The following FRMD1 variants were observed in gnomAD, a reference collection of about 807,000 sequenced individuals.
FRMD1 encodes FERM domain-containing protein 1.
A neutral mutation model predicts 54.9 loss-of-function variants in FRMD1; 51 were observed. That is an observed-to-expected ratio of 0.93 (90% CI 0.74 to 1.17). FRMD1 has a LOEUF of 1.17. FRMD1 is among the 50% of genes most tolerant of loss of function. The pLI is 0.00. For synonymous variants in FRMD1, 324 were observed against 306.4 expected (o/e 1.06, Z -0.60); for missense variants, 729 against 743.0 (o/e 0.98, Z 0.22).
At chr6:168,057,400 G>A (rs1207224186) in intron 10 of FRMD1, 61 bp from the exon 11 acceptor site, 8 of 1,577,040 alleles carry the variant, frequency 5.1e-6, no homozygotes, top group South Asian at 2.3e-5. Context: ...CACCGCACAC[G>A]GCAGCCACAC....
Position 168,079,066 on chromosome 6 carries a change from A to C in FRMD1, c.29T>G (p.Ile10Arg). 1 of 1,608,120 alleles carries C rather than the reference A, an allele frequency of 6.2e-7. No homozygotes were observed. The highest frequency in any genetic ancestry group is 1.1e-5 in the South Asian group (1 of 90,964). Residue 10 changes from isoleucine (I) to arginine (R), a missense_variant, in exon 1 of 11, where the codon ATA becomes AGA. Physicochemically the swap from Ile to Arg is moderately conservative, Grantham distance 97. Coordinates refer to ENST00000283309, the MANE Select transcript of FRMD1 (RefSeq NM_024919.6). ...GTCAGGGTTTGTCCGGGCGGGGTCT[A>C]TGCCCCTCCCTCTCGGGGGCACCGC... MAVPPRGRG[I>R]DPARTNPDTF...
intron 4 of FRMD1, chr6:168,066,430 G>A: frequency 1.7e-6 from 1 of 596,570 alleles, no homozygotes. Flanking sequence ...CCCAGGAGGT[G>A]GAGGTTGCAG....
At chr6:168,064,701 C>T (rs1407048738) in intron 5 of FRMD1, among the ~76,000 whole-genome samples, 170 bp downstream of exon 5, 1 of 152,240 alleles carries the variant, frequency 6.6e-6, no homozygotes, top group Non-Finnish European at 1.5e-5. Context: ...GTGGTAAGGA[C>T]CCTTGGGCCT....
At chr6:168,058,839 C>T (rs1583164668) in intron 10 of FRMD1, among the ~76,000 whole-genome samples, 2 of 152,102 alleles carry the variant, frequency 1.3e-5, no homozygotes, top group South Asian at 4.1e-4. Context: ...CCTACAGTGG[C>T]CCGGTGACAC....
At chr6:168,066,662 C>T (rs1800040730) in intron 4 of FRMD1, 93 bp downstream of exon 4, 1 of 1,469,672 alleles carries the variant, frequency 6.8e-7, no homozygotes, top group East Asian at 2.4e-5. Flanking sequence ...TGGATAAACT[C>T]AAATGTAATG....
At chr6:168,081,401 C>A (rs567754900), upstream of FRMD1, 4 of 1,535,324 alleles carry the variant, frequency 2.6e-6, no homozygotes, top group Admixed American at 2.0e-5. Flanking sequence ...TGGCCTGCCA[C>A]GTTCGTGATG....
At position 168,054,523 on chromosome 6, in the gene FRMD1, G is replaced by C. The variant is rs1799344571; in HGVS notation, c.*2574C>G. 1 of 121,882 alleles carries C rather than the reference G, an allele frequency of 8.2e-6. No homozygotes were observed. Among genetic ancestry groups the C allele is most frequent in the African/African-American group, 3.2e-5 (1 of 30,926 alleles). The allele number at this position is 121,882 out of a possible 1,614,324, so 7.6% of individuals were successfully genotyped here. ...GCCTCATGCCACCTGAAGGCCACAA[G>C]CCCCCCTGTACACAGCGGCTTCTGC... On this transcript the variant is annotated 3_prime_UTR_variant, in exon 11 of 11. Coordinates refer to ENST00000283309, the MANE Select transcript of FRMD1 (RefSeq NM_024919.6).
intron 2 of FRMD1, among the ~76,000 whole-genome samples, chr6:168,074,530 A>G (rs1355023004): frequency 7.2e-6 from 1 of 138,150 alleles, no homozygotes; most frequent in Non-Finnish European, 1.5e-5. Context: ...ATGTATGTGT[A>G]CATGTGAGTA....
intron 4 of FRMD1, 80 bp from the exon 5 acceptor site, chr6:168,065,137 C>T (rs1799964239): frequency 6.7e-7 from 1 of 1,500,430 alleles, no homozygotes; most frequent in Non-Finnish European, 8.9e-7. Context: ...TGTCCCTCCC[C>T]ACACCAGCTC....
At chr6:168,087,169 C>A (rs899232714) in intron 1 of FRMD1, among the ~76,000 whole-genome samples, 1 of 151,986 alleles carries the variant, frequency 6.6e-6, no homozygotes, top group African/African-American at 2.4e-5. Flanking sequence ...CTGGCTCAAG[C>A]GATTCTCCCA....
intron 2 of FRMD1, among the ~76,000 whole-genome samples, chr6:168,074,784 G>GGTGT (rs1210627011): frequency 1.4e-5 from 2 of 139,108 alleles, no homozygotes; most frequent in South Asian, 4.8e-4. Flanking sequence ...ATGTGTGACT[G>GGTGT]GTGTGTGTGT....
chr6:168,062,078 G>C, intron 7 of FRMD1, 97 bp from the exon 8 acceptor site: 1 of 1,357,442 alleles, frequency 7.4e-7, no homozygotes, highest in Non-Finnish European at 1.0e-6. Flanking sequence ...CCCCCAGGGG[G>C]ACGAGGCCCA....
chr6:168,086,061 CG>C (rs1262545966), upstream of FRMD1, among the ~76,000 whole-genome samples: 12 of 152,266 alleles, frequency 7.9e-5, no homozygotes, highest in Admixed American at 7.8e-4. Flanking sequence ...ATGAGGGCTC[CG>C]TGGGATGCTG....
intron 2 of FRMD1, among the ~76,000 whole-genome samples, chr6:168,071,596 G>A (rs1800311166): frequency 2.0e-5 from 3 of 152,204 alleles, no homozygotes; most frequent in Admixed American, 2.0e-4. Context: ...TGTCCCTGAG[G>A]CCAGTGAGCT....
Position 168,054,474 on chromosome 6 carries a change from C to T in FRMD1, c.*2623G>A, listed in dbSNP as rs1390170208. ...GTAAGACAGGGATTGGGGACTTTAC[C>T]CTGTGCCCCTCCCCCACCGGCCTGC... is the stretch of plus-strand genomic sequence containing the variant. On this transcript the variant is annotated 3_prime_UTR_variant, in exon 11 of 11. Coordinates refer to ENST00000283309, the MANE Select transcript of FRMD1 (RefSeq NM_024919.6). 6.6e-6 allele frequency: 1 copy of T among 152,208 alleles called. No individual in the cohort carries two copies. Among genetic ancestry groups the T allele is most frequent in the Non-Finnish European group, 1.5e-5 (1 of 68,182 alleles). The allele number at this position is 152,208 out of a possible 1,614,324, so 9.4% of individuals were successfully genotyped here. A position where few individuals can be genotyped will look rare whatever the true frequency, so the allele number is the denominator to read the frequency against.
At chr6:168,066,695 C>T (rs1273822925) in intron 4 of FRMD1, 60 bp downstream of exon 4, 13 of 1,549,276 alleles carry the variant, frequency 8.4e-6, no homozygotes, top group South Asian at 2.5e-5. Flanking sequence ...GGGACTTCCA[C>T]GTCATGCGGC....
rs1799327163 is a variant in FRMD1 at position 168,053,617 on chromosome 6, AG to A, written c.*3479del. On this transcript the variant is annotated 3_prime_UTR_variant, in exon 11 of 11. Coordinates refer to ENST00000283309, the MANE Select transcript of FRMD1 (RefSeq NM_024919.6). ...GCGTGACGGATGAACCCTGAGTGGA[AG>A]GGGCCGCCTGTCCCAAACACGGACG... 1 of 151,134 alleles carries A rather than the reference AG, an allele frequency of 6.6e-6. No individual in the cohort carries two copies. The highest frequency in any genetic ancestry group is 1.5e-5 in the Non-Finnish European group (1 of 67,904). 9.4% of individuals were successfully genotyped at this position (151,134 alleles called of 1,614,324 possible).
rs1474470877 is a variant in FRMD1, at chr6:168,063,691, C to T, written c.714G>A (p.Gln238=). The change falls in exon 6 of 11, where the codon CAG becomes CAA. Residue 238 remains glutamine (Q), a synonymous_variant. Transcript: ENST00000283309. The part of the protein sequence containing the change: ...RHMPTLHRER[Q]GLSPKEAMLC... ...GCATGGCCTCCTTGGGGCTCAGGCCCTGGCGCTCACGGTGCAGGGTAGGCA... is the reference window on the plus strand; with the variant it reads ...GCATGGCCTCCTTGGGGCTCAGGCCTTGGCGCTCACGGTGCAGGGTAGGCA... The T allele has an allele frequency of 6.2e-7, 1 of 1,613,936 alleles. No individual in the cohort carries two copies. Among genetic ancestry groups the T allele is most frequent in the African/African-American group, 1.3e-5 (1 of 75,064 alleles).
chr6:168,082,405 T>A (rs1319086095), upstream of FRMD1, among the ~76,000 whole-genome samples: 1 of 152,196 alleles, frequency 6.6e-6, no homozygotes, highest in African/African-American at 2.4e-5. Context: ...CGACCCCTCC[T>A]GGCTGAAATC....
Sources: allele counts gnomAD v4.1 joint callset (sites outside exome capture counted in the v4.1 genomes callset), GRCh38; gene constraint gnomAD v4.1.1; transcripts MANE v1.5; gene names NCBI Gene and HGNC (gene_info 2026-07-23, HGNC 2026-07-21).